The following TENT4A variants were observed in gnomAD, a reference collection of about 807,000 sequenced individuals.
TENT4A encodes the protein terminal nucleotidyltransferase 4A.
A neutral mutation model predicts 72.8 loss-of-function variants in TENT4A; 7 were observed. That is an observed-to-expected ratio of 0.10 (90% CI 0.05 to 0.18). The LOEUF (loss-of-function observed/expected upper bound fraction) is 0.18. Ranked by LOEUF, TENT4A falls within the 10% of genes least tolerant of loss-of-function variation. The pLI is 1.00. For missense variants in TENT4A, 831 were observed against 1,017.7 expected (o/e 0.82, Z 2.50); for synonymous variants, 456 against 434.3 (o/e 1.05, Z -0.62).
intron 1 of TENT4A, chr5:6,715,163 C>T (rs368099595): frequency 2.0e-5 from 3 of 152,362 alleles, no homozygotes; most frequent in Non-Finnish European, 2.9e-5. Flanking sequence ...AAAAATTTAA[C>T]TGTCAACTTA....
chr5:6,753,971 C>T (rs1372583396), intron 12 of TENT4A, among the ~76,000 whole-genome samples: 2 of 152,170 alleles, frequency 1.3e-5, no homozygotes, highest in East Asian at 1.9e-4. Context: ...TTCCTGAAGC[C>T]GGCGTGTGTT....
chr5:6,718,241 G>C (rs977445739), intron 1 of TENT4A, among the ~76,000 whole-genome samples: 9 of 152,266 alleles, frequency 5.9e-5, no homozygotes, highest in Non-Finnish European at 1.3e-4. Context: ...TCTGGTGAGA[G>C]TCGTTTCCAA....
intron 1 of TENT4A, among the ~76,000 whole-genome samples, chr5:6,717,946 G>A (rs1379673167): frequency 2.6e-5 from 4 of 152,214 alleles, no homozygotes; most frequent in African/African-American, 2.4e-5. Context: ...TTACTGGTGT[G>A]TTACAGAGAC....
Position 6,744,502 on chromosome 5 carries a change from C to T in TENT4A, c.1245+662C>T, listed in dbSNP as rs571160559. 8.5e-5 allele frequency among the ~76,000 whole-genome samples: 13 copies of T among 152,254 alleles called. No individual in the cohort carries two copies. In the East Asian group the frequency reaches 9.6e-4, roughly 11 times the overall value. ...CAAAATCTTGCCTATATAATTTAGC[C>T]GCACGGCTGTATTTCTCCAGTGTTT... On this transcript the variant is annotated intron_variant, in intron 6 of 12. Transcript: ENST00000230859.
At chr5:6,724,800 C>G (rs751502553) in intron 1 of TENT4A, among the ~76,000 whole-genome samples, 18 of 152,188 alleles carry the variant, frequency 1.2e-4, no homozygotes, top group Non-Finnish European at 7.3e-5. Context: ...GTGTACAGTC[C>G]TAGCCACAGT....
intron 1 of TENT4A, among the ~76,000 whole-genome samples, chr5:6,728,687 C>T (rs1277964248): frequency 6.6e-6 from 1 of 152,222 alleles, no homozygotes; most frequent in African/African-American, 2.4e-5. Flanking sequence ...GAGGGAGCCC[C>T]TGCTGGTGTG....
At chr5:6,742,142 A>G (rs1741838281) in intron 4 of TENT4A, among the ~76,000 whole-genome samples, 2 of 152,212 alleles carry the variant, frequency 1.3e-5, no homozygotes, top group South Asian at 2.1e-4. Flanking sequence ...CTGCCAAATA[A>G]AAGTCTGGGG....
intron 4 of TENT4A, among the ~76,000 whole-genome samples, chr5:6,740,912 A>G (rs1741768689): frequency 6.6e-6 from 1 of 152,126 alleles, no homozygotes; most frequent in South Asian, 2.1e-4. Context: ...TGCTGTTCAC[A>G]TTTTACAGGT....
chr5:6,734,730 T>G (rs537279776), intron 1 of TENT4A, among the ~76,000 whole-genome samples: 167 of 152,312 alleles, frequency 1.1e-3, no homozygotes, highest in African/African-American at 3.6e-3. Context: ...AATGCCAAGG[T>G]CAGGAGGACA....
At chr5:6,753,059 T>G (rs758441688) in intron 12 of TENT4A, 22 bp downstream of exon 12, 3 of 1,573,616 alleles carry the variant, frequency 1.9e-6, no homozygotes, top group Non-Finnish European at 2.6e-6. Context: ...TCCTGGTGCA[T>G]TCACCTACCT....
chr5:6,751,303 CTT>C (rs1313088936), intron 11 of TENT4A, 106 bp downstream of exon 11: 6 of 1,213,742 alleles, frequency 4.9e-6, no homozygotes, highest in African/African-American at 1.5e-5. Context: ...AGAAGAGTAA[CTT>C]TTTGAGTATT....
chr5:6,719,306 C>T (rs921847379), intron 1 of TENT4A, among the ~76,000 whole-genome samples: 1 of 152,062 alleles, frequency 6.6e-6, no homozygotes, highest in Non-Finnish European at 1.5e-5. Flanking sequence ...ACTTTTTATG[C>T]CTCAGTTAGG....
At position 6,714,542 on chromosome 5, in the gene TENT4A, C is replaced by T; in HGVS notation, c.559C>T (p.Arg187Cys). The T allele has an allele frequency of 8.4e-7, 1 of 1,196,388 alleles. No individual in the cohort carries two copies. 74.1% of individuals were successfully genotyped at this position (1,196,388 alleles called of 1,614,324 possible). A position where few individuals can be genotyped will look rare whatever the true frequency, so the allele number is the denominator to read the frequency against. Residue 187 changes from arginine (R) to cysteine (C), a missense_variant, in exon 1 of 13, where the codon CGC becomes TGC. Physicochemically the swap from Arg to Cys is radical, Grantham distance 180. Around this residue, in one of 3 missense-constraint regions of TENT4A, gnomAD observed 302 missense variants for 293.8 expected, o/e 1.03. Transcript: ENST00000230859. The part of the protein sequence containing the change: ...SPSQHQFHPG[R>C]RKRENKASTY... ...GTCGCAGCACCAGTTCCACCCGGGT[C>T]GCCGGAAACGCGAGAACAAGGCCAG... is the stretch of plus-strand genomic sequence containing the variant.
intron 12 of TENT4A, among the ~76,000 whole-genome samples, chr5:6,753,577 G>A (rs960611330): frequency 6.6e-6 from 1 of 152,230 alleles, no homozygotes; most frequent in Non-Finnish European, 1.5e-5. Context: ...AACAGGTCAC[G>A]TTAAGTCTCT....
intron 1 of TENT4A, among the ~76,000 whole-genome samples, chr5:6,726,238 T>C (rs1019171198): frequency 1.3e-5 from 2 of 152,232 alleles, no homozygotes; most frequent in African/African-American, 4.8e-5. Flanking sequence ...CCCTGTGTTG[T>C]ACTTGGGACG....
At chr5:6,743,219 G>A (rs544216500) in intron 5 of TENT4A, among the ~76,000 whole-genome samples, 12 of 152,250 alleles carry the variant, frequency 7.9e-5, no homozygotes, top group African/African-American at 2.9e-4. Flanking sequence ...TTGCTCTTCA[G>A]GTTCCCCCTT....
At chr5:6,736,355 T>A (rs1741497867) in intron 1 of TENT4A, among the ~76,000 whole-genome samples, 1 of 152,242 alleles carries the variant, frequency 6.6e-6, no homozygotes, top group Non-Finnish European at 1.5e-5. Context: ...TACTCACCCC[T>A]GGCAGGTCCT....
At chr5:6,751,233 C>A in intron 11 of TENT4A, 36 bp downstream of exon 11, 1 of 1,610,286 alleles carries the variant, frequency 6.2e-7, no homozygotes, top group Non-Finnish European at 8.5e-7. Context: ...CGCTGGTGGC[C>A]CCTGGGAACA....
At chr5:6,722,557 T>TG (rs1232042692) in intron 1 of TENT4A, among the ~76,000 whole-genome samples, 1 of 150,116 alleles carries the variant, frequency 6.7e-6, no homozygotes, top group Non-Finnish European at 1.5e-5. Flanking sequence ...GTTTTTTTTT[T>TG]TTTTTTTTTT....
Sources: gnomAD v4.1 joint callset for allele counts (sites outside exome capture counted in the v4.1 genomes callset) on GRCh38, gnomAD v4.1.1 for gene constraint, gnomAD v4.1.1 regional missense constraint, MANE v1.5 for transcripts, NCBI Gene and HGNC (gene_info 2026-07-23, HGNC 2026-07-21) for gene names.